MTR: variants seen among roughly 807,000 people sequenced by gnomAD.
The protein encoded by MTR is 5-methyltetrahydrofolate-homocysteine methyltransferase.
A neutral mutation model predicts 154.8 loss-of-function variants in MTR; 84 were observed. The observed-to-expected ratio is 0.54, with a 90% CI of 0.45 to 0.65. The LOEUF (loss-of-function observed/expected upper bound fraction) is 0.65, where lower values mean the gene tolerates loss of function less well. MTR is among the 30% of genes least tolerant of loss of function. MTR has a pLI of 0.00. For missense variants in MTR, 1,275 were observed against 1,570.2 expected (o/e 0.81, Z 3.18); for synonymous variants, 554 against 553.9 (o/e 1.00, Z 0.00).
At chr1:236,800,046 G>A in intron 1 of MTR, 7 of 985,010 alleles carry the variant, frequency 7.1e-6, no homozygotes, top group Non-Finnish European at 8.4e-6. Flanking sequence ...CAAAAACAAA[G>A]CTTATTATTT....
chr1:236,891,118 C>A lies in MTR; in HGVS notation c.3008-15C>A. The A allele has an allele frequency of 5.6e-6, 9 of 1,613,932 alleles. No individual in the cohort carries two copies. The stretch of plus-strand genomic sequence containing the variant: ...TGGCATCTTTAAGTGAATTCTAATT[C>A]TGTTTTTCTAATAGGTGGAGAGGCC... On this transcript the variant is annotated splice_polypyrimidine_tract_variant and intron_variant, in intron 28 of 32. Transcript: ENST00000366577.
chr1:236,896,625 C>T (rs1666639556), intron 31 of MTR, among the ~76,000 whole-genome samples: 3 of 152,142 alleles, frequency 2.0e-5, no homozygotes, highest in Admixed American at 6.5e-5. Flanking sequence ...TATCAGTGGC[C>T]GCACAGAGCC....
chr1:236,826,876 G>T lies in MTR; in HGVS notation c.975G>T (p.Gly325=). ...TCAATATAGTTGGAGGATGCTGTGG[G>T]TCAACACCAGATCATATCAGGTAAT... is the stretch of plus-strand genomic sequence containing the variant. The part of the protein sequence containing the change: ...GLVNIVGGCC[G]STPDHIREIA... The change falls in exon 11 of 33, where the codon GGG becomes GGT. Residue 325 remains glycine, a synonymous_variant. Coordinates refer to ENST00000366577, the MANE Select transcript of MTR (RefSeq NM_000254.3). 1.2e-6 allele frequency: 2 copies of T among 1,613,994 alleles called. No homozygotes were observed. The highest frequency in any genetic ancestry group is 2.7e-5 in the African/African-American group (2 of 75,012).
chr1:236,811,906 C>T (rs1403178079), intron 5 of MTR, among the ~76,000 whole-genome samples: 1 of 152,164 alleles, frequency 6.6e-6, no homozygotes, highest in African/African-American at 2.4e-5. Flanking sequence ...TACAAGAGGA[C>T]TTTGTTGTGT....
intron 20 of MTR, 50 bp from the exon 21 acceptor site, chr1:236,862,186 G>A: frequency 1.3e-6 from 2 of 1,496,200 alleles, no homozygotes; most frequent in Admixed American, 3.3e-5. Flanking sequence ...GCCATCAGCA[G>A]TTGTTCCTGT....
rs79744690 is a variant in MTR at position 236,893,302 on chromosome 1, C to T, written c.3205-1055C>T. On this transcript the variant is annotated intron_variant, in intron 29 of 32. Transcript: ENST00000366577. ...CGCCTGTACTTAACAATTTCCTGCC[C>T]TGTGTCAATGAAGCTGTACTTGCTT... Among the ~76,000 whole-genome samples the T allele has an allele frequency of 2.0e-5, 3 of 152,186 alleles. No homozygotes were observed. The East Asian group carries it at 5.8e-4, about 29-fold the overall frequency.
intron 30 of MTR, chr1:236,894,974 C>T (rs532052284): frequency 5.3e-5 from 19 of 361,104 alleles, no homozygotes; most frequent in African/African-American, 3.9e-4. Flanking sequence ...AGGGTAGTAG[C>T]CTTTGCCCTG....
chr1:236,803,866 T>C (rs1660828108), intron 2 of MTR, among the ~76,000 whole-genome samples: 1 of 152,242 alleles, frequency 6.6e-6, no homozygotes, highest in Non-Finnish European at 1.5e-5. Flanking sequence ...GCATGTAAAC[T>C]CTAGTGAAAA....
At chr1:236,897,151 C>G in intron 32 of MTR, 33 bp downstream of exon 32, 1 of 1,481,846 alleles carries the variant, frequency 6.7e-7, no homozygotes, top group Non-Finnish European at 9.4e-7. Context: ...TGTGGCTTGC[C>G]TAGTTCAAAT....
At chr1:236,891,451 C>T (rs1283150877) in intron 29 of MTR, 122 bp downstream of exon 29, 1 of 1,038,380 alleles carries the variant, frequency 9.6e-7, no homozygotes. Context: ...ATCACATGCC[C>T]AAGAAGTGAC....
intron 26 of MTR, among the ~76,000 whole-genome samples, chr1:236,885,974 C>A (rs942407920): frequency 2.6e-5 from 4 of 152,156 alleles, no homozygotes; most frequent in Non-Finnish European, 5.9e-5. Flanking sequence ...CCATGGAAGA[C>A]CAGTTAACAG....
chr1:236,898,549 G>A lies in MTR; in HGVS notation c.*905G>A, dbSNP rs1131450. 43,014 of 151,390 alleles carry A rather than the reference G, an allele frequency of 0.28. 6,957 individuals carry two copies. The highest frequency in any genetic ancestry group is 0.36 in the Non-Finnish European group (24,349 of 67,846). 9.4% of individuals were successfully genotyped at this position (151,390 alleles called of 1,614,324 possible). On this transcript the variant is annotated 3_prime_UTR_variant, in exon 33 of 33. Coordinates refer to ENST00000366577, the MANE Select transcript of MTR (RefSeq NM_000254.3). ...AGAGTAGCTGGGACTACAGGTGCCC[G>A]CCACCACACCCGGCTAATTTTTTGT...
chr1:236,863,232 C>G (rs1419329489), intron 21 of MTR, among the ~76,000 whole-genome samples: 1 of 152,248 alleles, frequency 6.6e-6, no homozygotes, highest in Admixed American at 6.5e-5. Flanking sequence ...ATCAACTATT[C>G]TTTGAAAGGA....
At chr1:236,818,336 AG>A (rs35752913) in intron 8 of MTR, among the ~76,000 whole-genome samples, 52,798 of 152,004 alleles carry the variant, frequency 0.35, 9,891 homozygotes, top group Non-Finnish European at 0.41. Context: ...CCTAGCGATT[AG>A]GTAAAACCTC....
chr1:236,869,601 A>G (rs1254577338), intron 22 of MTR, among the ~76,000 whole-genome samples: 3 of 152,210 alleles, frequency 2.0e-5, no homozygotes, highest in African/African-American at 7.2e-5. Flanking sequence ...AGGAATGTGT[A>G]TAGGGAGAGG....
intron 20 of MTR, among the ~76,000 whole-genome samples, chr1:236,861,974 A>G (rs191051555): frequency 1.1e-4 from 17 of 151,182 alleles, no homozygotes; most frequent in Non-Finnish European, 1.9e-4. Flanking sequence ...TAGACAGAGG[A>G]AAAAAAAACA....
intron 14 of MTR, among the ~76,000 whole-genome samples, chr1:236,835,930 T>C (rs1303282911): frequency 6.6e-6 from 1 of 152,144 alleles, no homozygotes; most frequent in African/African-American, 2.4e-5. Context: ...GGATTGTTCA[T>C]GAGAATTGAG....
At chr1:236,828,455 A>G (rs750855164) in intron 11 of MTR, among the ~76,000 whole-genome samples, 1 of 152,086 alleles carries the variant, frequency 6.6e-6, no homozygotes, top group Non-Finnish European at 1.5e-5. Flanking sequence ...CTGTCTGTAT[A>G]TATGTTTGCT....
intron 8 of MTR, among the ~76,000 whole-genome samples, chr1:236,821,868 A>G (rs1045489176): frequency 8.5e-5 from 13 of 152,092 alleles, no homozygotes; most frequent in African/African-American, 3.1e-4. Flanking sequence ...AGTTGAATGT[A>G]TTTGTGTGGT....
Sources: allele counts gnomAD v4.1 joint callset (sites outside exome capture counted in the v4.1 genomes callset), GRCh38; gene constraint gnomAD v4.1.1; transcripts MANE v1.5; gene names NCBI Gene and HGNC (gene_info 2026-07-23, HGNC 2026-07-21).